CATSPERE: variants seen among roughly 807,000 people sequenced by gnomAD.
CATSPERE encodes the protein cation channel sperm-associated auxiliary subunit epsilon.
CATSPERE carries 93 observed loss-of-function variants against 114.1 expected under a neutral mutation model. The ratio of observed to expected loss-of-function variants is 0.81; its 90% CI spans 0.69 to 0.97. The LOEUF is 0.97. CATSPERE is among the 50% of genes least tolerant of loss of function. The probability of loss-of-function intolerance (pLI) is 0.00; values close to 1 mark genes in which losing one functional copy is unlikely to be tolerated. For missense variants in CATSPERE, 1,058 were observed against 1,131.6 expected (o/e 0.93, Z 0.93); for synonymous variants, 341 against 384.1 (o/e 0.89, Z 1.31).
chr1:244,586,274 A>C (rs915634740), intron 13 of CATSPERE, among the ~76,000 whole-genome samples: 7 of 152,168 alleles, frequency 4.6e-5, no homozygotes, highest in African/African-American at 1.7e-4. Context: ...AATCCTAGCC[A>C]TGGTGCTTGA....
chr1:244,547,153 C>G (rs1038412355), intron 8 of CATSPERE, among the ~76,000 whole-genome samples: 3 of 152,074 alleles, frequency 2.0e-5, no homozygotes, highest in Admixed American at 6.5e-5. Context: ...AGAAGTCTTA[C>G]AGGCAAGAAG....
chr1:244,566,652 C>CTTTTTTTTTTTT lies in CATSPERE; in HGVS notation c.1507+5531_1507+5542dup, dbSNP rs59466928. Among the ~76,000 whole-genome samples the CTTTTTTTTTTTT allele has an allele frequency of 3.5e-4, 17 of 49,102 alleles. 1 individual carries two copies. The highest frequency in any genetic ancestry group is 4.5e-4 in the African/African-American group (10 of 22,358). The allele number at this position is 49,102 out of a possible 152,430, so 32.2% of individuals were successfully genotyped here. On this transcript the variant is annotated intron_variant, in intron 10 of 21. Transcript: ENST00000366534. ...TCAGAGACTAGGATTGCAACCCCTG[C>CTTTTTTTTTTTT]TTTTTTTTTTTTTTTTTTTTTTTTT... is the stretch of plus-strand genomic sequence containing the variant.
intron 8 of CATSPERE, among the ~76,000 whole-genome samples, chr1:244,528,924 G>A (rs1679155731): frequency 6.6e-6 from 1 of 152,014 alleles, no homozygotes; most frequent in Non-Finnish European, 1.5e-5. Context: ...TGAGAATATG[G>A]TGAAGTTTGT....
At chr1:244,571,497 C>G (rs938017086) in intron 10 of CATSPERE, among the ~76,000 whole-genome samples, 16 of 152,172 alleles carry the variant, frequency 1.1e-4, no homozygotes, top group Admixed American at 4.6e-4. Flanking sequence ...CCCACTATGA[C>G]CCACTGTGAC....
At chr1:244,593,974 C>T (rs1355913734) in intron 17 of CATSPERE, among the ~76,000 whole-genome samples, 2 of 152,144 alleles carry the variant, frequency 1.3e-5, no homozygotes, top group African/African-American at 4.8e-5. Context: ...ACTAGATTGC[C>T]GACAAGTACA....
At chr1:244,482,492 C>T (rs1182498303) in intron 5 of CATSPERE, among the ~76,000 whole-genome samples, 1 of 151,834 alleles carries the variant, frequency 6.6e-6, no homozygotes, top group African/African-American at 2.4e-5. Flanking sequence ...GTTCCAACTA[C>T]TTGTGAGGCT....
At chr1:244,638,587 T>A (rs191997549) in intron 21 of CATSPERE, among the ~76,000 whole-genome samples, 2 of 152,314 alleles carry the variant, frequency 1.3e-5, no homozygotes, top group East Asian at 3.9e-4. Flanking sequence ...TACATCCTAC[T>A]GTCTACTTAA....
At chr1:244,534,028 T>A (rs1367705487) in intron 8 of CATSPERE, among the ~76,000 whole-genome samples, 2 of 152,110 alleles carry the variant, frequency 1.3e-5, no homozygotes, top group Non-Finnish European at 2.9e-5. Flanking sequence ...TTTCACCAGA[T>A]TTACTATTCT....
intron 20 of CATSPERE, among the ~76,000 whole-genome samples, chr1:244,625,406 T>TTATATATA (rs35736130): frequency 7.8e-5 from 1 of 12,872 alleles, no homozygotes; most frequent in African/African-American, 3.0e-4. Context: ...TTATTATTAT[T>TTATATATA]TATATATATA....
At chr1:244,625,957 T>C (rs1673145879) in intron 20 of CATSPERE, among the ~76,000 whole-genome samples, 1 of 151,800 alleles carries the variant, frequency 6.6e-6, no homozygotes, top group Non-Finnish European at 1.5e-5. Context: ...GGGCTTAAAA[T>C]AGTGAGTAAA....
At chr1:244,608,005 G>A (rs1266067285) in intron 18 of CATSPERE, among the ~76,000 whole-genome samples, 1 of 152,168 alleles carries the variant, frequency 6.6e-6, no homozygotes, top group Non-Finnish European at 1.5e-5. Context: ...TACTCAGGAG[G>A]CTGAGACAGG....
chr1:244,580,161 C>T (rs1324072263), intron 11 of CATSPERE, among the ~76,000 whole-genome samples: 2 of 151,626 alleles, frequency 1.3e-5, no homozygotes, highest in Non-Finnish European at 1.5e-5. Context: ...CTCAGCCTCC[C>T]GAGTAATTGG....
intron 8 of CATSPERE, among the ~76,000 whole-genome samples, chr1:244,529,354 C>T (rs993552992): frequency 6.6e-6 from 1 of 152,160 alleles, no homozygotes; most frequent in African/African-American, 2.4e-5. Context: ...GGATGAAATC[C>T]ATCTTAACTG....
chr1:244,502,668 G>A (rs940532529), intron 7 of CATSPERE, among the ~76,000 whole-genome samples: 1 of 152,158 alleles, frequency 6.6e-6, no homozygotes, highest in Non-Finnish European at 1.5e-5. Flanking sequence ...GGGCTCCCCA[G>A]AAGTGTGCTT....
intron 20 of CATSPERE, among the ~76,000 whole-genome samples, chr1:244,620,203 C>G (rs1056236977): frequency 1.3e-5 from 2 of 152,184 alleles, no homozygotes; most frequent in East Asian, 3.8e-4. Context: ...GCCAGTAGTT[C>G]CACCAACATT....
rs1664184220 is a variant in CATSPERE, at chr1:244,569,884, CTA to C, written c.1508-2442_1508-2441del. ...TCCTAGTGCTATACTTTTTTGATTA[CTA>C]TATCCTTAATCACCTAACACACTAA... On this transcript the variant is annotated intron_variant, in intron 10 of 21. Coordinates refer to ENST00000366534, the MANE Select transcript of CATSPERE (RefSeq NM_001130957.2). 4.6e-5 allele frequency among the ~76,000 whole-genome samples: 7 copies of C among 152,098 alleles called. No homozygotes were observed. In the South Asian group the frequency reaches 1.4e-3, roughly 31 times the overall value.
intron 5 of CATSPERE, among the ~76,000 whole-genome samples, chr1:244,480,479 C>T (rs1670085722): frequency 6.6e-6 from 1 of 152,094 alleles, no homozygotes; most frequent in Admixed American, 6.6e-5. Context: ...GGAAACTATT[C>T]CTCCGTATTC....
chr1:244,491,628 C>T lies in CATSPERE; in HGVS notation c.351+1157C>T, dbSNP rs191948594. Among the ~76,000 whole-genome samples, 832 of 152,166 alleles carry T rather than the reference C, an allele frequency of 5.5e-3. 6 individuals carry two copies. Among genetic ancestry groups the T allele is most frequent in the African/African-American group, 0.019 (794 of 41,498 alleles). ...CTGAGGGAAATAGAGACACAAAAAA[C>T]CCTTCAAAAAATTAATGAATCCAGG... is the stretch of plus-strand genomic sequence containing the variant. On this transcript the variant is annotated intron_variant, in intron 6 of 21. Transcript: ENST00000366534.
intron 10 of CATSPERE, among the ~76,000 whole-genome samples, chr1:244,571,119 G>A (rs919187573): frequency 1.3e-5 from 2 of 152,058 alleles, no homozygotes; most frequent in Admixed American, 6.6e-5. Context: ...TTTTTATTCA[G>A]CATGGAATTA....
Sources: allele counts gnomAD v4.1 joint callset (sites outside exome capture counted in the v4.1 genomes callset), GRCh38; gene constraint gnomAD v4.1.1; transcripts MANE v1.5; gene names NCBI Gene and HGNC (gene_info 2026-07-23, HGNC 2026-07-21).